Variants in SEMA3A observed in about 807,000 individuals in gnomAD.
The protein encoded by SEMA3A is semaphorin 3A.
A neutral mutation model predicts 97.9 loss-of-function variants in SEMA3A; 29 were observed. That is an observed-to-expected ratio of 0.30 (90% CI 0.22 to 0.40). The LOEUF is 0.40. SEMA3A is among the 10% of genes least tolerant of loss of function. SEMA3A has a pLI of 1.00. For missense variants in SEMA3A, 763 were observed against 951.3 expected (o/e 0.80, Z 2.60); for synonymous variants, 321 against 323.7 (o/e 0.99, Z 0.09).
rs1387297669 is a variant in SEMA3A at position 84,005,459 on chromosome 7, A to C, written c.1240T>G (p.Phe414Val). 1.2e-6 allele frequency: 2 copies of C among 1,613,802 alleles called. No homozygotes were observed. The highest frequency in any genetic ancestry group is 1.1e-5 in the South Asian group (1 of 91,086). ...ACTATTGGGCGATTGTTCATAGGAA[A>C]CACTGGATTGTACATGGCTGGATGA... is the stretch of plus-strand genomic sequence containing the variant. ...RSHPAMYNPV[F>V]PMNNRPIVIK... is the part of the protein sequence containing the mutation. Residue 414 changes from phenylalanine to valine, a missense_variant, in exon 11 of 17, where the codon TTT becomes GTT. Coordinates refer to ENST00000265362, the MANE Select transcript of SEMA3A (RefSeq NM_006080.3).
chr7:83,971,204 C>G (rs1317683283), intron 15 of SEMA3A, among the ~76,000 whole-genome samples: 1 of 152,098 alleles, frequency 6.6e-6, no homozygotes, highest in Non-Finnish European at 1.5e-5. Flanking sequence ...GAGGGTGGAT[C>G]ACCTGAGGTC....
intron 9 of SEMA3A, among the ~76,000 whole-genome samples, chr7:84,010,052 C>A (rs1306775436): frequency 6.6e-6 from 1 of 151,202 alleles, no homozygotes; most frequent in Non-Finnish European, 1.5e-5. Flanking sequence ...TGCTGTAATG[C>A]TGAAGGTTTT....
intron 4 of SEMA3A, among the ~76,000 whole-genome samples, chr7:84,086,572 T>G (rs1457346185): frequency 5.3e-5 from 3 of 56,828 alleles, no homozygotes; most frequent in African/African-American, 1.1e-4. Context: ...TATATTATAT[T>G]TACATATAAT....
chr7:83,985,377 T>C (rs938628954), intron 13 of SEMA3A, 59 bp downstream of exon 13: 2 of 1,228,212 alleles, frequency 1.6e-6, no homozygotes, highest in Non-Finnish European at 1.2e-6. Context: ...GATATATCTA[T>C]TGAAACACCA....
intron 6 of SEMA3A, among the ~76,000 whole-genome samples, chr7:84,016,363 G>C (rs912095628): frequency 6.6e-6 from 1 of 151,674 alleles, no homozygotes. Context: ...CACGGTGAAA[G>C]CCTGTCTCTA....
intron 4 of SEMA3A, among the ~76,000 whole-genome samples, chr7:84,069,379 C>T (rs1793658727): frequency 6.6e-6 from 1 of 152,076 alleles, no homozygotes; most frequent in Admixed American, 6.6e-5. Flanking sequence ...TTAGTATGCC[C>T]TTGAAACAGA....
chr7:84,408,227 G>A (rs1345690674), intron 1 of SEMA3A, among the ~76,000 whole-genome samples: 3 of 152,144 alleles, frequency 2.0e-5, no homozygotes. Flanking sequence ...CAACAAGTGG[G>A]TGAAGGATAT....
chr7:84,320,647 G>C (rs1220002819), intron 2 of SEMA3A, among the ~76,000 whole-genome samples: 1 of 71,074 alleles, frequency 1.4e-5, no homozygotes, highest in Non-Finnish European at 3.0e-5. Context: ...GTGTACTTGA[G>C]AAATAAATTA....
intron 5 of SEMA3A, among the ~76,000 whole-genome samples, chr7:84,057,412 T>C (rs1375697861): frequency 6.6e-6 from 1 of 152,164 alleles, no homozygotes; most frequent in Non-Finnish European, 1.5e-5. Flanking sequence ...CTATCTTTAG[T>C]AAAAGATTTT....
intron 6 of SEMA3A, among the ~76,000 whole-genome samples, chr7:84,040,839 C>T (rs1307698196): frequency 1.3e-5 from 2 of 152,044 alleles, no homozygotes; most frequent in Non-Finnish European, 2.9e-5. Flanking sequence ...AAAAAGGAAG[C>T]TGCCTTTGAT....
chr7:84,448,860 A>T (rs1254067804), intron 1 of SEMA3A, among the ~76,000 whole-genome samples: 1 of 152,158 alleles, frequency 6.6e-6, no homozygotes, highest in Non-Finnish European at 1.5e-5. Flanking sequence ...TTGAAGAAGA[A>T]TGGCAAATCT....
At chr7:84,151,594 G>C (rs1319724138) in intron 1 of SEMA3A, among the ~76,000 whole-genome samples, 1 of 152,070 alleles carries the variant, frequency 6.6e-6, no homozygotes, top group Non-Finnish European at 1.5e-5. Flanking sequence ...ACTATGTGAA[G>C]AGACCAAATC....
At chr7:83,996,927 T>C (rs3801591) in intron 12 of SEMA3A, among the ~76,000 whole-genome samples, 11,618 of 152,190 alleles carry the variant, frequency 0.076, 886 homozygotes, top group East Asian at 0.2. Context: ...TACTAAGCAA[T>C]ATTTTTCTTT....
intron 12 of SEMA3A, among the ~76,000 whole-genome samples, chr7:83,993,712 A>T (rs1356473791): frequency 4.0e-5 from 4 of 100,374 alleles, no homozygotes; most frequent in Non-Finnish European, 6.0e-5. Flanking sequence ...CTTCCCTTTG[A>T]GGGTAACCCG....
Position 83,957,761 on chromosome 7 carries a change from C to G in SEMA3A, c.*3610G>C, listed in dbSNP as rs746740667. The G allele has an allele frequency of 6.6e-6, 1 of 151,974 alleles. No individual in the cohort carries two copies. Among genetic ancestry groups the G allele is most frequent in the African/African-American group, 2.4e-5 (1 of 41,394 alleles). 9.4% of individuals were successfully genotyped at this position (151,974 alleles called of 1,614,324 possible). ...TCTTCTTTATGGAAACATGTATTTG[C>G]AAACATTAACATTGACTTCAAATAA... On this transcript the variant is annotated 3_prime_UTR_variant, in exon 17 of 17. Coordinates refer to ENST00000265362, the MANE Select transcript of SEMA3A (RefSeq NM_006080.3).
chr7:84,268,924 G>A (rs1174244145), intron 3 of SEMA3A, among the ~76,000 whole-genome samples: 1 of 152,156 alleles, frequency 6.6e-6, no homozygotes, highest in African/African-American at 2.4e-5. Context: ...ACATGAGCCT[G>A]ATCAATGAGC....
At chr7:84,210,553 A>G (rs909334391) in intron 3 of SEMA3A, among the ~76,000 whole-genome samples, 14 of 152,214 alleles carry the variant, frequency 9.2e-5, no homozygotes, top group African/African-American at 3.4e-4. Context: ...AAGCATTGCT[A>G]TAGTCATGCT....
At chr7:84,227,772 C>T (rs1212753990) in intron 3 of SEMA3A, among the ~76,000 whole-genome samples, 1 of 152,040 alleles carries the variant, frequency 6.6e-6, no homozygotes, top group Admixed American at 6.6e-5. Flanking sequence ...ATAACTCCCC[C>T]ACCAGACTAT....
intron 5 of SEMA3A, among the ~76,000 whole-genome samples, chr7:84,050,087 G>A (rs934248519): frequency 6.6e-6 from 1 of 151,168 alleles, no homozygotes; most frequent in Non-Finnish European, 1.5e-5. Flanking sequence ...GTGTATATGT[G>A]CCACATTTTC....
Sources: gnomAD v4.1 joint callset for allele counts (sites outside exome capture counted in the v4.1 genomes callset) on GRCh38, gnomAD v4.1.1 for gene constraint, MANE v1.5 for transcripts, NCBI Gene and HGNC (gene_info 2026-07-23, HGNC 2026-07-21) for gene names.